Variants in SRPK2 observed in about 807,000 individuals in gnomAD.
SRPK2 encodes SRSF protein kinase 2.
SRPK2 carries 21 observed loss-of-function variants against 90.8 expected under a neutral mutation model. That is an observed-to-expected ratio of 0.23 (90% CI 0.16 to 0.33). The LOEUF is 0.33. Among genes scored for constraint, SRPK2 ranks in the 10% least tolerant of loss-of-function variants. The pLI is 1.00. For missense variants in SRPK2, 620 were observed against 869.0 expected (o/e 0.71, Z 3.60); for synonymous variants, 288 against 311.1 (o/e 0.93, Z 0.78).
At chr7:105,319,875 T>TG (rs1221226435) in intron 2 of SRPK2, among the ~76,000 whole-genome samples, 3 of 151,738 alleles carry the variant, frequency 2.0e-5, no homozygotes, top group East Asian at 1.9e-4. Flanking sequence ...TTTTTTTTTT[T>TG]GTCTATAAAT....
chr7:105,353,399 G>C (rs141847933), intron 2 of SRPK2, among the ~76,000 whole-genome samples: 2 of 152,058 alleles, frequency 1.3e-5, no homozygotes, highest in Non-Finnish European at 2.9e-5. Flanking sequence ...GAATGCAGTG[G>C]TGCAATCATG....
At chr7:105,275,244 G>T (rs1806337690) in intron 2 of SRPK2, among the ~76,000 whole-genome samples, 3 of 152,224 alleles carry the variant, frequency 2.0e-5, no homozygotes, top group South Asian at 4.1e-4. Context: ...TGGCATTTTG[G>T]TAACAGTAGG....
At chr7:105,247,402 G>A (rs1042524353) in intron 2 of SRPK2, among the ~76,000 whole-genome samples, 1 of 152,094 alleles carries the variant, frequency 6.6e-6, no homozygotes, top group Non-Finnish European at 1.5e-5. Context: ...GTGAGGAAGA[G>A]GGGAAGAGAA....
At chr7:105,172,034 C>A (rs1436454665) in intron 3 of SRPK2, among the ~76,000 whole-genome samples, 1 of 152,142 alleles carries the variant, frequency 6.6e-6, no homozygotes, top group Non-Finnish European at 1.5e-5. Context: ...GCTGGGATTA[C>A]AGGCTTGCAC....
intron 2 of SRPK2, among the ~76,000 whole-genome samples, chr7:105,385,670 T>C (rs547524310): frequency 6.6e-6 from 1 of 152,240 alleles, no homozygotes; most frequent in Admixed American, 6.5e-5. Flanking sequence ...CTGGATCTCC[T>C]CCTCATTCTC....
chr7:105,347,970 G>T (rs1816667633), intron 2 of SRPK2, among the ~76,000 whole-genome samples: 1 of 150,736 alleles, frequency 6.6e-6, no homozygotes, highest in Non-Finnish European at 1.5e-5. Context: ...TATCAAAATT[G>T]CACATTTCCT....
chr7:105,208,652 G>T (rs1212978747), intron 2 of SRPK2, among the ~76,000 whole-genome samples: 1 of 152,178 alleles, frequency 6.6e-6, no homozygotes, highest in Non-Finnish European at 1.5e-5. Context: ...GGAGAAAAAA[G>T]GAGGAAAATG....
intron 7 of SRPK2, among the ~76,000 whole-genome samples, chr7:105,153,991 T>C (rs913419377): frequency 1.3e-5 from 2 of 152,120 alleles, no homozygotes; most frequent in Non-Finnish European, 1.5e-5. Flanking sequence ...AAAACCAAGA[T>C]GTTAAACTCA....
At chr7:105,397,202 GA>G (rs1822355669) in intron 1 of SRPK2, among the ~76,000 whole-genome samples, 1 of 151,990 alleles carries the variant, frequency 6.6e-6, no homozygotes, top group Admixed American at 6.6e-5. Flanking sequence ...ATTTTTAATA[GA>G]GACGTGGTTT....
intron 1 of SRPK2, among the ~76,000 whole-genome samples, chr7:105,394,826 T>C (rs1822276951): frequency 6.6e-6 from 1 of 152,154 alleles, no homozygotes; most frequent in African/African-American, 2.4e-5. Context: ...ACAACATAAA[T>C]ATGTGAAATA....
intron 2 of SRPK2, chr7:105,301,680 A>T: frequency 6.2e-7 from 1 of 1,611,528 alleles, no homozygotes; most frequent in Non-Finnish European, 8.5e-7. Flanking sequence ...GGACAGAAAC[A>T]TATCCCCAAA....
chr7:105,311,830 A>G (rs993578255), intron 2 of SRPK2, among the ~76,000 whole-genome samples: 4 of 152,226 alleles, frequency 2.6e-5, no homozygotes, highest in African/African-American at 9.6e-5. Context: ...AAGCACAAAA[A>G]TTAATCTATG....
intron 3 of SRPK2, among the ~76,000 whole-genome samples, chr7:105,176,759 G>A (rs1490239220): frequency 6.6e-6 from 1 of 151,228 alleles, no homozygotes; most frequent in Non-Finnish European, 1.5e-5. Flanking sequence ...ATGTGTGTGT[G>A]TGTGTGTGTG....
intron 2 of SRPK2, among the ~76,000 whole-genome samples, chr7:105,294,632 T>C (rs1397759418): frequency 6.6e-6 from 1 of 152,122 alleles, no homozygotes; most frequent in Non-Finnish European, 1.5e-5. Flanking sequence ...GTTCGAGCAA[T>C]TCTCCTGCTC....
intron 6 of SRPK2, among the ~76,000 whole-genome samples, chr7:105,163,623 C>T (rs925884789): frequency 6.6e-6 from 1 of 151,704 alleles, no homozygotes; most frequent in African/African-American, 2.4e-5. Context: ...GGAGAAATCC[C>T]GTCTCTAAAA....
intron 2 of SRPK2, among the ~76,000 whole-genome samples, chr7:105,222,515 AGTT>A (rs1392701161): frequency 1.3e-5 from 2 of 152,258 alleles, no homozygotes; most frequent in African/African-American, 4.8e-5. Context: ...AGCAGAAAAT[AGTT>A]TTTTAACCAT....
intron 2 of SRPK2, among the ~76,000 whole-genome samples, chr7:105,365,998 G>A (rs1266396647): frequency 2.6e-5 from 4 of 151,944 alleles, no homozygotes; most frequent in Non-Finnish European, 5.9e-5. Flanking sequence ...GCGACTACAG[G>A]CGCACGCTAC....
chr7:105,147,024 T>C (rs1175050751), intron 7 of SRPK2, among the ~76,000 whole-genome samples: 3 of 152,200 alleles, frequency 2.0e-5, no homozygotes, highest in African/African-American at 7.2e-5. Flanking sequence ...GCGAAGATAA[T>C]GAGGATGAAG....
intron 2 of SRPK2, among the ~76,000 whole-genome samples, chr7:105,220,862 G>C (rs745470129): frequency 1.1e-4 from 17 of 152,154 alleles, no homozygotes; most frequent in Non-Finnish European, 2.2e-4. Context: ...TGTTTTAAAG[G>C]TTTCCCTTTA....
Sources: allele counts gnomAD v4.1 joint callset (sites outside exome capture counted in the v4.1 genomes callset), GRCh38; gene constraint gnomAD v4.1.1; transcripts MANE v1.5; gene names NCBI Gene and HGNC (gene_info 2026-07-23, HGNC 2026-07-21).